FERMT1: variants seen among roughly 807,000 people sequenced by gnomAD.
FERMT1 encodes the protein FERM domain containing kindlin 1, also known as fermitin family homolog 1.
Under a neutral mutation model 85.3 loss-of-function variants are expected in FERMT1, and 60 were observed. The ratio of observed to expected loss-of-function variants is 0.70; its 90% CI spans 0.57 to 0.87. FERMT1 has a LOEUF of 0.87. FERMT1 is among the 40% of genes least tolerant of loss of function. The pLI, the probability that FERMT1 is intolerant of heterozygous loss-of-function variation, is 0.00. For missense variants in FERMT1, 701 were observed against 818.9 expected (o/e 0.86, Z 1.76); for synonymous variants, 275 against 301.1 (o/e 0.91, Z 0.90).
At position 6,075,962 on chromosome 20, in the gene FERMT1, C is replaced by CTCTCAAGGCAAGCACTG. The variant is rs1181065139; in HGVS notation, c.*1194_*1210dup. The CTCTCAAGGCAAGCACTG allele has an allele frequency of 1.3e-5, 2 of 152,422 alleles. No individual in the cohort carries two copies. Among genetic ancestry groups the CTCTCAAGGCAAGCACTG allele is most frequent in the African/African-American group, 4.8e-5 (2 of 41,430 alleles). The allele number at this position is 152,422 out of a possible 1,614,324, so 9.4% of individuals were successfully genotyped here. A position where few individuals can be genotyped will look rare whatever the true frequency, so the allele number is the denominator to read the frequency against. The stretch of plus-strand genomic sequence containing the variant: ...TCAGGCAGCTGTTAATTGGCTCACT[C>CTCTCAAGGCAAGCACTG]TCTCAAGGCAAGCACTGTCTCAAGG... On this transcript the variant is annotated 3_prime_UTR_variant, in exon 15 of 15. Transcript: ENST00000217289.
rs749909572 is a variant in FERMT1 at position 6,115,975 on chromosome 20, T to C, written c.221A>G (p.His74Arg). The C allele has an allele frequency of 4.3e-6, 7 of 1,614,150 alleles. No homozygotes were observed. The highest frequency in any genetic ancestry group is 5.9e-6 in the Non-Finnish European group (7 of 1,180,016). The change falls in exon 3 of 15, where the codon CAC becomes CGC. Residue 74 changes from histidine to arginine, a missense_variant. Coordinates refer to ENST00000217289, the MANE Select transcript of FERMT1 (RefSeq NM_017671.5). ...GACCCCATATTTGTCCAGGGTCCAG[T>C]GGGTTTTCAGAAGCCAGCAATGCTT... Reference protein sequence around the residue: ...EQKHCWLLKTHWTLDKYGVQA... With the variant: ...EQKHCWLLKTRWTLDKYGVQA...
chr20:6,120,433 T>A (rs751158080), intron 1 of FERMT1: 1 of 152,198 alleles, frequency 6.6e-6, no homozygotes, highest in Non-Finnish European at 1.5e-5. Flanking sequence ...CGTTTTCCCC[T>A]CATGGGAGAA....
chr20:6,076,395 G>A lies in FERMT1; in HGVS notation c.*778C>T, dbSNP rs750904222. On this transcript the variant is annotated 3_prime_UTR_variant, in exon 15 of 15. Transcript: ENST00000217289. ...AGACATGGATCTGGGTTGAGAAATG[G>A]GTTTTCCTGTCCCCCTGTGTCACCC... The A allele has an allele frequency of 9.8e-6, 5 of 511,548 alleles. No homozygotes were observed. Among genetic ancestry groups the A allele is most frequent in the Non-Finnish European group, 1.6e-5 (4 of 256,676 alleles). The allele number at this position is 511,548 out of a possible 1,614,324, so 31.7% of individuals were successfully genotyped here. A position where few individuals can be genotyped will look rare whatever the true frequency, so the allele number is the denominator to read the frequency against.
chr20:6,113,312 C>T (rs1983011667), intron 3 of FERMT1, among the ~76,000 whole-genome samples: 1 of 152,150 alleles, frequency 6.6e-6, no homozygotes, highest in South Asian at 2.1e-4. Context: ...TTGTAAATTG[C>T]CCAGTCTCAG....
At chr20:6,082,898 A>C (rs1447548652) in intron 13 of FERMT1, among the ~76,000 whole-genome samples, 1 of 152,060 alleles carries the variant, frequency 6.6e-6, no homozygotes, top group Non-Finnish European at 1.5e-5. Flanking sequence ...GAGCTCAGGC[A>C]ATCCGTCCAC....
rs1411363898 is a variant in FERMT1 at position 6,075,940 on chromosome 20, G to A, written c.*1233C>T. The A allele has an allele frequency of 6.6e-6, 1 of 152,438 alleles. No individual in the cohort carries two copies. Among genetic ancestry groups the A allele is most frequent in the African/African-American group, 2.4e-5 (1 of 41,524 alleles). 9.4% of individuals were successfully genotyped at this position (152,438 alleles called of 1,614,324 possible). On this transcript the variant is annotated 3_prime_UTR_variant, in exon 15 of 15. Coordinates refer to ENST00000217289, the MANE Select transcript of FERMT1 (RefSeq NM_017671.5). The stretch of plus-strand genomic sequence containing the variant: ...AACCAAAATGGAAAATGACAATTCA[G>A]GCAGCTGTTAATTGGCTCACTCTCT...
chr20:6,112,851 G>A lies in FERMT1; in HGVS notation c.386-228C>T, dbSNP rs6085407. Among the ~76,000 whole-genome samples the A allele has an allele frequency of 0.6, 91,349 of 152,004 alleles. 27,882 individuals carry two copies. The highest frequency in any genetic ancestry group is 0.84 in the East Asian group (4,372 of 5,176). Reference sequence around the variant, plus strand: ...GGAGATTCAGTCTAGTGAAATTTCTGGTTAGAAAAATTATTATAAAAATAT... The same window carrying A: ...GGAGATTCAGTCTAGTGAAATTTCTAGTTAGAAAAATTATTATAAAAATAT... On this transcript the variant is annotated intron_variant, in intron 3 of 14. Transcript: ENST00000217289.
chr20:6,112,010 G>T lies in FERMT1; in HGVS notation c.532+467C>A, dbSNP rs189852958. Reference sequence around the variant, plus strand: ...TCTGAGTAGCTGGGACCACAAGCATGCAGCAGCATGCCCAGGTTATTTATT... The same window carrying T: ...TCTGAGTAGCTGGGACCACAAGCATTCAGCAGCATGCCCAGGTTATTTATT... On this transcript the variant is annotated intron_variant, in intron 4 of 14. Transcript: ENST00000217289. Among the ~76,000 whole-genome samples the T allele has an allele frequency of 1.3e-4, 20 of 152,056 alleles. 1 individual carries two copies. In the East Asian group the frequency reaches 3.7e-3, roughly 28 times the overall value.
Position 6,110,334 on chromosome 20 carries a change from G to A in FERMT1, c.710C>T (p.Pro237Leu). The change falls in exon 5 of 15, where the codon CCT becomes CTT. Residue 237 changes from proline to leucine, a missense_variant. Physicochemically the swap from Pro to Leu is moderately conservative, Grantham distance 98. Coordinates refer to ENST00000217289, the MANE Select transcript of FERMT1 (RefSeq NM_017671.5). ...SPEALADMYQ[P>L]RSLVDKAKLN... Reference sequence around the variant, plus strand: ...CTTGGCTTTATCAACCAGAGACCGAGGCTGGTACATATCCGCAAGTGCTTC... The same window carrying A: ...CTTGGCTTTATCAACCAGAGACCGAAGCTGGTACATATCCGCAAGTGCTTC... 2.5e-6 allele frequency: 4 copies of A among 1,613,476 alleles called. No individual in the cohort carries two copies. Among genetic ancestry groups the A allele is most frequent in the South Asian group, 1.1e-5 (1 of 91,046 alleles).
intron 6 of FERMT1, among the ~76,000 whole-genome samples, chr20:6,098,015 T>C (rs946779982): frequency 6.6e-6 from 1 of 152,026 alleles, no homozygotes; most frequent in Non-Finnish European, 1.5e-5. Context: ...GGTTTCGCCA[T>C]GTTGCCCAGG....
intron 9 of FERMT1, among the ~76,000 whole-genome samples, chr20:6,090,436 C>T (rs1385745350): frequency 6.6e-6 from 1 of 151,632 alleles, no homozygotes; most frequent in South Asian, 2.1e-4. Flanking sequence ...TTATCCTTAA[C>T]ACAAAGATAG....
chr20:6,116,965 A>T (rs1330621627), intron 2 of FERMT1, among the ~76,000 whole-genome samples: 2 of 152,186 alleles, frequency 1.3e-5, no homozygotes, highest in African/African-American at 4.8e-5. Context: ...ATAGCCTCCA[A>T]TCAAAGTCCA....
intron 6 of FERMT1, among the ~76,000 whole-genome samples, chr20:6,105,398 G>T (rs372769830): frequency 3.3e-5 from 5 of 152,138 alleles, no homozygotes; most frequent in African/African-American, 4.8e-5. Context: ...CATCGACTTC[G>T]AATGGAAATT....
intron 9 of FERMT1, 30 bp downstream of exon 9, chr20:6,094,909 A>T: frequency 8.2e-7 from 1 of 1,226,178 alleles, no homozygotes; most frequent in Non-Finnish European, 1.2e-6. Flanking sequence ...TGTTATGAGT[A>T]ACTCCTTTTC....
intron 4 of FERMT1, 82 bp downstream of exon 4, chr20:6,112,395 G>T: frequency 7.5e-7 from 1 of 1,340,664 alleles, no homozygotes; most frequent in Non-Finnish European, 1.1e-6. Flanking sequence ...TCCTTTGTTT[G>T]GTGGGGGTGG....
chr20:6,096,840 T>C, intron 8 of FERMT1, 62 bp downstream of exon 8: 1 of 1,422,524 alleles, frequency 7.0e-7, no homozygotes, highest in Non-Finnish European at 9.8e-7. Context: ...TAAAGAAAAG[T>C]TCATTTATAC....
At chr20:6,096,039 C>A (rs1327106756) in intron 8 of FERMT1, among the ~76,000 whole-genome samples, 1 of 152,180 alleles carries the variant, frequency 6.6e-6, no homozygotes, top group Non-Finnish European at 1.5e-5. Flanking sequence ...AGCTGACATT[C>A]ACCTTTCATG....
rs1983206842 is a variant in FERMT1, at chr20:6,119,512, C to T, written c.43G>A (p.Val15Met). 1 of 1,614,066 alleles carries T rather than the reference C, an allele frequency of 6.2e-7. No homozygotes were observed. Among genetic ancestry groups the T allele is most frequent in the African/African-American group, 1.3e-5 (1 of 74,934 alleles). The change falls in exon 2 of 15, where the codon GTG (valine) becomes ATG (methionine). Residue 15 changes from valine to methionine, a missense_variant. Physicochemically the swap from Val to Met is conservative, Grantham distance 21. Coordinates refer to ENST00000217289, the MANE Select transcript of FERMT1 (RefSeq NM_017671.5). ...TCATTGGGATGGTCAACGCGGACCACAAGCTCCCAGGAAGCAAATGTAAAG... is the reference window on the plus strand; with the variant it reads ...TCATTGGGATGGTCAACGCGGACCATAAGCTCCCAGGAAGCAAATGTAAAG... ...TDFTFASWELVVRVDHPNEEQ... is the reference protein window; with the variant it reads ...TDFTFASWELMVRVDHPNEEQ...
At chr20:6,087,918 T>C (rs1198940581) in intron 10 of FERMT1, 35 bp from the exon 11 acceptor site, 2 of 1,127,550 alleles carry the variant, frequency 1.8e-6, no homozygotes, top group East Asian at 2.3e-5. Context: ...AACTGAGTTC[T>C]GAGGCATCTG....
Sources: gnomAD v4.1 joint callset for allele counts (sites outside exome capture counted in the v4.1 genomes callset) on GRCh38, gnomAD v4.1.1 for gene constraint, MANE v1.5 for transcripts, NCBI Gene and HGNC (gene_info 2026-07-23, HGNC 2026-07-21) for gene names.